CSMD1: variants seen among roughly 807,000 people sequenced by gnomAD.
CSMD1 encodes the protein CUB and sushi domain-containing protein 1.
Under a neutral mutation model 417.5 loss-of-function variants are expected in CSMD1, and 213 were observed. That is an observed-to-expected ratio of 0.51 (90% CI 0.46 to 0.57). The LOEUF (loss-of-function observed/expected upper bound fraction) is 0.57, where lower values mean the gene tolerates loss of function less well. Among genes scored for constraint, CSMD1 ranks in the 20% least tolerant of loss-of-function variants. The probability of loss-of-function intolerance (pLI) is 0.00; values close to 1 mark genes in which losing one functional copy is unlikely to be tolerated. For missense variants in CSMD1, 6,923 were observed against 4,529.7 expected (o/e 1.53, Z -15.17); for synonymous variants, 2,862 against 1,736.8 (o/e 1.65, Z -16.11).
At chr8:4,004,653 T>C (rs939150856) in intron 4 of CSMD1, among the ~76,000 whole-genome samples, 1 of 152,208 alleles carries the variant, frequency 6.6e-6, no homozygotes, top group South Asian at 2.1e-4. Context: ...TAAATTTGTG[T>C]ATGAAATAGT....
intron 12 of CSMD1, among the ~76,000 whole-genome samples, chr8:3,466,577 ATTTTTTT>A (rs35761429): frequency 3.3e-4 from 37 of 113,600 alleles, no homozygotes; most frequent in East Asian, 1.9e-3. Context: ...CAATCAGCTA[ATTTTTTT>A]TTTTTTTTTT....
intron 2 of CSMD1, among the ~76,000 whole-genome samples, chr8:4,549,108 A>G (rs1797753731): frequency 6.6e-6 from 1 of 152,142 alleles, no homozygotes; most frequent in South Asian, 2.1e-4. Flanking sequence ...ACTTAAGAAA[A>G]GTGGTCATTA....
chr8:4,776,910 C>T (rs1469065629), intron 1 of CSMD1, among the ~76,000 whole-genome samples: 1 of 152,116 alleles, frequency 6.6e-6, no homozygotes, highest in East Asian at 1.9e-4. Flanking sequence ...ATAACACTTC[C>T]ACAACGTTAC....
intron 1 of CSMD1, among the ~76,000 whole-genome samples, chr8:4,977,571 C>T (rs919320526): frequency 3.3e-5 from 5 of 152,184 alleles, no homozygotes; most frequent in Non-Finnish European, 5.9e-5. Flanking sequence ...GGCTCCAGCC[C>T]GCCTTTGGGT....
chr8:3,746,785 CTTT>C (rs1400290391), intron 6 of CSMD1, among the ~76,000 whole-genome samples: 2 of 152,124 alleles, frequency 1.3e-5, no homozygotes, highest in African/African-American at 4.8e-5. Context: ...ACATTTATGA[CTTT>C]TTAATATACC....
At chr8:3,978,896 T>C (rs1813642570) in intron 5 of CSMD1, among the ~76,000 whole-genome samples, 1 of 152,184 alleles carries the variant, frequency 6.6e-6, no homozygotes. Flanking sequence ...ATGGGAACAG[T>C]GAGAAGACAA....
chr8:4,123,978 C>G (rs1052437076), intron 3 of CSMD1, among the ~76,000 whole-genome samples: 11 of 151,820 alleles, frequency 7.2e-5, no homozygotes, highest in African/African-American at 2.7e-4. Context: ...TTCTGATGTA[C>G]AGGAAACAAA....
At chr8:4,783,634 T>C (rs551945259) in intron 1 of CSMD1, among the ~76,000 whole-genome samples, 2 of 152,374 alleles carry the variant, frequency 1.3e-5, no homozygotes, top group South Asian at 4.1e-4. Context: ...CTTGGCCTCC[T>C]GCTCCAGGGA....
At chr8:4,663,099 G>A (rs566239528) in intron 1 of CSMD1, among the ~76,000 whole-genome samples, 11 of 152,272 alleles carry the variant, frequency 7.2e-5, no homozygotes, top group African/African-American at 2.2e-4. Context: ...GGACAGGAGG[G>A]CCAGATCACG....
In CSMD1 at chr8:3,018,618, T is replaced by C. The variant is rs1467283521; in HGVS notation, c.7888A>G (p.Asn2630Asp). 9 of 1,612,654 alleles carry C rather than the reference T, an allele frequency of 5.6e-6. No individual in the cohort carries two copies. The highest frequency in any genetic ancestry group is 1.3e-5 in the African/African-American group (1 of 74,732). Residue 2630 changes from asparagine to aspartate, a missense_variant, in exon 52 of 70, where the codon AAT (asparagine) becomes GAT (aspartate). Asn to Asp is a conservative substitution (Grantham distance 23). Transcript: ENST00000635120. ...ISCGSLSFPP[N>D]GNKIGTLTVY... is the part of the protein sequence containing the mutation. ...GTCAACGTTCCAATCTTGTTGCCAT[T>C]TGGGGGAAAGGAAAGGCTTCCACAC...
intron 51 of CSMD1, among the ~76,000 whole-genome samples, chr8:3,019,769 C>A (rs987755883): frequency 1.3e-5 from 2 of 152,206 alleles, no homozygotes; most frequent in African/African-American, 2.4e-5. Flanking sequence ...TATATTCTTA[C>A]TACACCACTG....
chr8:3,786,989 C>A (rs1799489099), intron 5 of CSMD1, among the ~76,000 whole-genome samples: 1 of 152,084 alleles, frequency 6.6e-6, no homozygotes, highest in South Asian at 2.1e-4. Flanking sequence ...TAGATGAGGG[C>A]ATGGAAGCTG....
chr8:3,314,238 T>TTAAAG (rs1425963781), intron 23 of CSMD1, among the ~76,000 whole-genome samples: 2 of 151,796 alleles, frequency 1.3e-5, no homozygotes, highest in Admixed American at 6.6e-5. Flanking sequence ...ACCCTAAAAC[T>TTAAAG]TAAAGTATAA....
intron 2 of CSMD1, among the ~76,000 whole-genome samples, chr8:4,448,037 T>G (rs902926211): frequency 1.3e-5 from 2 of 152,204 alleles, no homozygotes; most frequent in African/African-American, 4.8e-5. Flanking sequence ...TGGTTCCGCA[T>G]GAGGTTTCCT....
intron 1 of CSMD1, among the ~76,000 whole-genome samples, chr8:4,879,161 A>G (rs1336141587): frequency 6.6e-6 from 1 of 152,090 alleles, no homozygotes; most frequent in African/African-American, 2.4e-5. Context: ...TAAAAAATAT[A>G]ATAAAGGAAG....
At chr8:2,945,166 C>A (rs1303829622) in intron 68 of CSMD1, among the ~76,000 whole-genome samples, 2 of 152,178 alleles carry the variant, frequency 1.3e-5, no homozygotes, top group Non-Finnish European at 2.9e-5. Context: ...TCATTCCTTG[C>A]CCTACAAGGT....
intron 5 of CSMD1, among the ~76,000 whole-genome samples, chr8:3,775,999 C>A (rs576637298): frequency 1.3e-5 from 2 of 152,206 alleles, no homozygotes; most frequent in African/African-American, 4.8e-5. Context: ...GAGCTTCAGA[C>A]CCTGATCCAA....
chr8:4,232,175 A>T (rs1057246580), intron 3 of CSMD1, among the ~76,000 whole-genome samples: 1 of 152,182 alleles, frequency 6.6e-6, no homozygotes, highest in African/African-American at 2.4e-5. Context: ...GTGTATTGAG[A>T]AACACTTGTC....
chr8:4,522,620 C>G (rs1803524420), intron 2 of CSMD1, among the ~76,000 whole-genome samples: 1 of 152,140 alleles, frequency 6.6e-6, no homozygotes, highest in South Asian at 2.1e-4. Context: ...GCAAGTGGAA[C>G]CAGACCCTTT....
Sources: allele counts gnomAD v4.1 joint callset (sites outside exome capture counted in the v4.1 genomes callset), GRCh38; gene constraint gnomAD v4.1.1; transcripts MANE v1.5; gene names NCBI Gene and HGNC (gene_info 2026-07-23, HGNC 2026-07-21).